ST6GALNAC5: variants seen among roughly 807,000 people sequenced by gnomAD.
ST6GALNAC5 encodes ST6 N-acetylgalactosaminide alpha-2,6-sialyltransferase 5.
ST6GALNAC5 carries 27 observed loss-of-function variants against 33.6 expected under a neutral mutation model. The observed-to-expected ratio is 0.80, with a 90% CI of 0.59 to 1.11. The LOEUF (loss-of-function observed/expected upper bound fraction) is 1.11. ST6GALNAC5 is among the 50% of genes least tolerant of loss of function. ST6GALNAC5 has a pLI of 0.00. For synonymous variants in ST6GALNAC5, 194 were observed against 171.2 expected (o/e 1.13, Z -1.04); for missense variants, 428 against 454.0 (o/e 0.94, Z 0.52).
intron 2 of ST6GALNAC5, among the ~76,000 whole-genome samples, chr1:77,037,318 A>G (rs765929907): frequency 3.9e-4 from 60 of 152,360 alleles, no homozygotes; most frequent in Non-Finnish European, 7.2e-4. Context: ...CAGATGCCAC[A>G]TGTTCTTACT....
At chr1:76,909,956 A>C (rs989188702) in intron 2 of ST6GALNAC5, among the ~76,000 whole-genome samples, 1 of 152,068 alleles carries the variant, frequency 6.6e-6, no homozygotes, top group Non-Finnish European at 1.5e-5. Flanking sequence ...CAATAAGAAA[A>C]CACCAAGGAA....
chr1:76,959,364 T>C (rs1050258173), intron 2 of ST6GALNAC5, among the ~76,000 whole-genome samples: 8 of 152,228 alleles, frequency 5.3e-5, no homozygotes, highest in Non-Finnish European at 1.2e-4. Context: ...TCTTTTTCTC[T>C]CTTTTTGTGG....
intron 2 of ST6GALNAC5, among the ~76,000 whole-genome samples, chr1:77,034,387 T>A (rs115483373): frequency 0.014 from 2,063 of 152,248 alleles, 51 homozygotes; most frequent in African/African-American, 0.047. Context: ...CCTCATCCAG[T>A]ATGACCTCAC....
intron 2 of ST6GALNAC5, among the ~76,000 whole-genome samples, chr1:77,007,233 G>T (rs574917319): frequency 6.6e-6 from 1 of 152,218 alleles, no homozygotes; most frequent in Admixed American, 6.5e-5. Flanking sequence ...TGAACTCAGG[G>T]TTATCTGAAA....
intron 2 of ST6GALNAC5, among the ~76,000 whole-genome samples, chr1:76,872,395 A>G (rs1164953391): frequency 6.6e-6 from 1 of 152,196 alleles, no homozygotes; most frequent in Admixed American, 6.5e-5. Context: ...CTAAGCAGCT[A>G]TCTCTTTGCT....
chr1:76,955,384 G>C (rs1017198777), intron 2 of ST6GALNAC5, among the ~76,000 whole-genome samples: 2 of 152,128 alleles, frequency 1.3e-5, no homozygotes, highest in African/African-American at 4.8e-5. Flanking sequence ...GTGTCAAACA[G>C]GGATTAGTTT....
At chr1:76,994,808 A>C (rs1649863041) in intron 2 of ST6GALNAC5, among the ~76,000 whole-genome samples, 1 of 152,242 alleles carries the variant, frequency 6.6e-6, no homozygotes, top group East Asian at 1.9e-4. Flanking sequence ...CTTGTCCCAA[A>C]CTCTAGAGGA....
At chr1:76,903,032 C>CA (rs1557716282) in intron 2 of ST6GALNAC5, among the ~76,000 whole-genome samples, 1 of 151,894 alleles carries the variant, frequency 6.6e-6, no homozygotes, top group African/African-American at 2.4e-5. Context: ...ACAACAACAA[C>CA]AAAAAATTGG....
At chr1:77,026,932 G>T (rs1011852206) in intron 2 of ST6GALNAC5, among the ~76,000 whole-genome samples, 17 of 152,216 alleles carry the variant, frequency 1.1e-4, no homozygotes, top group South Asian at 4.1e-4. Context: ...GAAGAGCAAG[G>T]CAGGCACTGC....
intron 2 of ST6GALNAC5, among the ~76,000 whole-genome samples, chr1:77,036,851 T>G (rs1027684474): frequency 3.9e-5 from 6 of 152,222 alleles, no homozygotes; most frequent in African/African-American, 1.4e-4. Context: ...AAATATTATC[T>G]TAAGATTATT....
chr1:76,922,742 C>T (rs1168041390), intron 2 of ST6GALNAC5, among the ~76,000 whole-genome samples: 2 of 151,834 alleles, frequency 1.3e-5, no homozygotes, highest in Non-Finnish European at 2.9e-5. Flanking sequence ...CTTTTCAAAC[C>T]AGCCTGGGCA....
At chr1:76,987,763 T>C (rs1403242) in intron 2 of ST6GALNAC5, among the ~76,000 whole-genome samples, 53,793 of 151,740 alleles carry the variant, frequency 0.35, 11,070 homozygotes, top group Non-Finnish European at 0.45. Flanking sequence ...GCAATAAAAA[T>C]AAATGAAGTA....
chr1:76,907,021 A>G (rs561276919), intron 2 of ST6GALNAC5, among the ~76,000 whole-genome samples: 1 of 152,096 alleles, frequency 6.6e-6, no homozygotes, highest in East Asian at 1.9e-4. Flanking sequence ...ACTTCTGGTA[A>G]ATTTCCTAAA....
chr1:76,940,702 C>T (rs1342389955), intron 2 of ST6GALNAC5, among the ~76,000 whole-genome samples: 2 of 152,064 alleles, frequency 1.3e-5, no homozygotes, highest in Admixed American at 1.3e-4. Flanking sequence ...TCTCTTCTAA[C>T]TACTTTACAT....
chr1:76,888,666 A>G (rs373935810), intron 2 of ST6GALNAC5, among the ~76,000 whole-genome samples: 4 of 151,070 alleles, frequency 2.6e-5, no homozygotes, highest in Non-Finnish European at 5.9e-5. Context: ...CCTTCTTCTT[A>G]TTCCATTTTT....
At chr1:76,918,601 A>C (rs151049967) in intron 2 of ST6GALNAC5, among the ~76,000 whole-genome samples, 6,317 of 124,176 alleles carry the variant, frequency 0.051, 269 homozygotes, top group African/African-American at 0.13. Flanking sequence ...CTAGTGACAG[A>C]GTGAGACTCC....
chr1:77,019,455 C>T (rs142642780), intron 2 of ST6GALNAC5, among the ~76,000 whole-genome samples: 2,078 of 152,248 alleles, frequency 0.014, 48 homozygotes, highest in African/African-American at 0.047. Context: ...ATTCTCACCA[C>T]GGGAGCCTGC....
intron 2 of ST6GALNAC5, among the ~76,000 whole-genome samples, chr1:76,999,420 C>A (rs950379546): frequency 2.0e-5 from 3 of 151,188 alleles, no homozygotes; most frequent in African/African-American, 7.3e-5. Context: ...CAAACTTGCT[C>A]CTGCTGTGGA....
intron 2 of ST6GALNAC5, among the ~76,000 whole-genome samples, chr1:76,989,625 T>C (rs967241856): frequency 6.6e-6 from 1 of 152,204 alleles, no homozygotes; most frequent in Non-Finnish European, 1.5e-5. Flanking sequence ...AAGGGCTTTC[T>C]TGAGGCAGGA....
Sources: gnomAD v4.1 joint callset for allele counts (sites outside exome capture counted in the v4.1 genomes callset) on GRCh38, gnomAD v4.1.1 for gene constraint, MANE v1.5 for transcripts, NCBI Gene and HGNC (gene_info 2026-07-23, HGNC 2026-07-21) for gene names.